PPP6R2: variants seen among roughly 807,000 people sequenced by gnomAD.
PPP6R2 encodes the protein protein phosphatase 6 regulatory subunit 2.
PPP6R2 carries 62 observed loss-of-function variants against 100.2 expected under a neutral mutation model. The ratio of observed to expected loss-of-function variants is 0.62; its 90% CI spans 0.50 to 0.76. PPP6R2 has a LOEUF of 0.76. Among genes scored for constraint, PPP6R2 ranks in the 30% least tolerant of loss-of-function variants. PPP6R2 has a pLI of 0.00. For synonymous variants in PPP6R2, 525 were observed against 514.7 expected, an observed-to-expected ratio of 1.02 and a Z score of -0.27; for missense variants, 1,142 against 1,276.3, an observed-to-expected ratio of 0.89 and a Z score of 1.60.
chr22:50,407,808 C>T (rs1258109172), intron 4 of PPP6R2, among the ~76,000 whole-genome samples: 3 of 152,176 alleles, frequency 2.0e-5, no homozygotes, highest in Non-Finnish European at 1.5e-5. Context: ...ATGCCCCACC[C>T]GCCCATCCCT....
intron 10 of PPP6R2, among the ~76,000 whole-genome samples, chr22:50,426,254 C>A (rs2062112135): frequency 6.6e-6 from 1 of 152,178 alleles, no homozygotes; most frequent in Non-Finnish European, 1.5e-5. Flanking sequence ...GCCACCCAGC[C>A]TTTACTCCTT....
At chr22:50,421,669 G>C (rs1388840573) in intron 8 of PPP6R2, among the ~76,000 whole-genome samples, 3 of 152,124 alleles carry the variant, frequency 2.0e-5, no homozygotes, top group African/African-American at 7.2e-5. Flanking sequence ...CCAGCACTTT[G>C]GGAGGCCAAG....
At chr22:50,339,872 T>G (rs530083410), upstream of PPP6R2, among the ~76,000 whole-genome samples, 17 of 91,806 alleles carry the variant, frequency 1.9e-4, no homozygotes, top group South Asian at 4.2e-4. Flanking sequence ...AGTGTGTGTG[T>G]GGTGTGGTGT....
rs559363724 is a variant in PPP6R2, at chr22:50,423,199, C to G, written c.973-263C>G. Among the ~76,000 whole-genome samples the G allele has an allele frequency of 3.3e-5, 5 of 152,208 alleles. No individual in the cohort carries two copies. Among genetic ancestry groups the G allele is most frequent in the African/African-American group, 9.6e-5 (4 of 41,456 alleles). Reference sequence around the variant, plus strand: ...ACATCTCACCCGCTGAGGTGCACGGCTCTCTGGCCCTGCAGGCTCAGACTG... The same window carrying G: ...ACATCTCACCCGCTGAGGTGCACGGGTCTCTGGCCCTGCAGGCTCAGACTG... On this transcript the variant is annotated intron_variant, in intron 9 of 23. Coordinates refer to ENST00000612753, the MANE Select transcript of PPP6R2 (RefSeq NM_001242898.2). The surrounding 1 kb of genome is among the most constrained non-coding windows in gnomAD (Gnocchi z 4.8).
chr22:50,439,321 C>T (rs1475912658), intron 19 of PPP6R2, among the ~76,000 whole-genome samples: 2 of 152,126 alleles, frequency 1.3e-5, no homozygotes, highest in African/African-American at 2.4e-5. Flanking sequence ...AGGAGGAAGA[C>T]ACCCCATCCT....
chr22:50,390,825 C>T (rs1156539311), intron 2 of PPP6R2, among the ~76,000 whole-genome samples: 2 of 150,570 alleles, frequency 1.3e-5, no homozygotes, highest in Non-Finnish European at 3.0e-5. Flanking sequence ...ATGGTAAAAC[C>T]CCATCTCTAC....
At chr22:50,443,747 G>A in intron 22 of PPP6R2, 119 bp from the exon 23 acceptor site, 7 of 1,384,410 alleles carry the variant, frequency 5.1e-6, no homozygotes, top group Middle Eastern at 5.2e-4. Context: ...GAGTGAGAGG[G>A]GCCAAAGATG....
chr22:50,392,157 A>C (rs535096889), intron 2 of PPP6R2: 1 of 152,016 alleles, frequency 6.6e-6, no homozygotes, highest in South Asian at 2.1e-4. Flanking sequence ...ATAAATATCT[A>C]TCCACACCCC....
intron 4 of PPP6R2, among the ~76,000 whole-genome samples, chr22:50,413,991 C>T (rs999504569): frequency 2.6e-5 from 4 of 152,228 alleles, no homozygotes; most frequent in Non-Finnish European, 4.4e-5. Flanking sequence ...CATGGCCTCA[C>T]GCTTAGCTGT....
rs552809163 is a variant in PPP6R2 at position 50,363,956 on chromosome 22, G to A, written c.-147-8064G>A. Among the ~76,000 whole-genome samples the A allele has an allele frequency of 6.0e-5, 9 of 151,092 alleles. No individual in the cohort carries two copies. In the South Asian group the frequency reaches 1.0e-3, roughly 18 times the overall value. On this transcript the variant is annotated intron_variant, in intron 1 of 23. Coordinates refer to ENST00000612753, the MANE Select transcript of PPP6R2 (RefSeq NM_001242898.2). ...GTCGCCCAGGCTGGAGTACAGTGGC[G>A]CAATCTCGGCCCACTGCAACCTTTG...
At chr22:50,396,769 G>A (rs78185210) in intron 3 of PPP6R2, among the ~76,000 whole-genome samples, 1 of 152,170 alleles carries the variant, frequency 6.6e-6, no homozygotes, top group African/African-American at 2.4e-5. Context: ...ACTTCATTTA[G>A]GGTGGTCAGG....
At chr22:50,412,112 G>C (rs7410305) in intron 4 of PPP6R2, among the ~76,000 whole-genome samples, 1 of 151,994 alleles carries the variant, frequency 6.6e-6, no homozygotes, top group African/African-American at 2.4e-5. Flanking sequence ...TAAAACACTA[G>C]TAGAATATCA....
chr22:50,380,866 A>AT (rs1414431284), intron 2 of PPP6R2, among the ~76,000 whole-genome samples: 1 of 151,068 alleles, frequency 6.6e-6, no homozygotes, highest in Admixed American at 6.6e-5. Context: ...GCGGGCACCT[A>AT]TAGTCCCAGC....
chr22:50,420,686 T>C (rs1337328203), intron 8 of PPP6R2, among the ~76,000 whole-genome samples: 2 of 152,186 alleles, frequency 1.3e-5, no homozygotes, highest in Non-Finnish European at 2.9e-5. Flanking sequence ...GAGTGGAGTC[T>C]GTGAGGGAGG....
chr22:50,339,003 ATG>A (rs1209311752), upstream of PPP6R2, among the ~76,000 whole-genome samples: 1 of 55,450 alleles, frequency 1.8e-5, no homozygotes, highest in East Asian at 6.3e-4. Context: ...TATGTGTGGT[ATG>A]TGGTGTGTGG....
chr22:50,402,664 T>C (rs2058245727), intron 3 of PPP6R2, among the ~76,000 whole-genome samples: 1 of 152,208 alleles, frequency 6.6e-6, no homozygotes, highest in Non-Finnish European at 1.5e-5. Flanking sequence ...CTTGTCTTTT[T>C]AATTCTTTGT....
intron 11 of PPP6R2, 34 bp from the exon 12 acceptor site, chr22:50,432,231 C>T (rs954934189): frequency 3.2e-6 from 5 of 1,540,306 alleles, no homozygotes; most frequent in Non-Finnish European, 3.5e-6. Flanking sequence ...CCTTCAGACC[C>T]TGACTCACGC....
rs143081573 is a variant in PPP6R2 at position 50,439,726 on chromosome 22, T to C, written c.2154T>C (p.Asp718=). ...GCGCCATGTGGACGGCAGTGTTTGA[T>C]GAGCCAGCGAACTCAACGCCCACAG... ...SEGAMWTAVF[D]EPANSTPTAP... Residue 718 remains aspartate (D), a synonymous_variant, in exon 20 of 24, where the codon GAT becomes GAC. Transcript: ENST00000612753. 18 of 1,608,626 alleles carry C rather than the reference T, an allele frequency of 1.1e-5. No individual in the cohort carries two copies. The highest frequency in any genetic ancestry group is 2.7e-5 in the African/African-American group (2 of 74,846).
At chr22:50,333,922 A>C in the PPP6R2 span, among the ~76,000 whole-genome samples, 4 of 152,326 alleles carry the variant, frequency 2.6e-5, no homozygotes, top group African/African-American at 9.6e-5. Flanking sequence ...CACGCGAGTC[A>C]CGTGTCCATG....
Sources: gnomAD v4.1 joint callset for allele counts (sites outside exome capture counted in the v4.1 genomes callset) on GRCh38, gnomAD v4.1.1 for gene constraint, Gnocchi (gnomAD v3.1) non-coding constraint, MANE v1.5 for transcripts, NCBI Gene and HGNC (gene_info 2026-07-23, HGNC 2026-07-21) for gene names.